The following SUGCT variants were observed in gnomAD, a reference collection of about 807,000 sequenced individuals.
The protein encoded by SUGCT is succinyl-CoA:glutarate CoA-transferase.
SUGCT carries 41 observed loss-of-function variants against 55.0 expected under a neutral mutation model. The ratio of observed to expected loss-of-function variants is 0.74; its 90% CI spans 0.58 to 0.97. SUGCT has a LOEUF of 0.97. Ranked by LOEUF, SUGCT falls within the 50% of genes least tolerant of loss-of-function variation. The pLI, the probability that SUGCT is intolerant of heterozygous loss-of-function variation, is 0.00. For missense variants in SUGCT, 568 were observed against 547.8 expected (o/e 1.04, Z -0.37); for synonymous variants, 187 against 200.4 (o/e 0.93, Z 0.56).
intron 9 of SUGCT, among the ~76,000 whole-genome samples, chr7:40,380,128 T>A (rs950644104): frequency 1.3e-5 from 2 of 152,174 alleles, no homozygotes; most frequent in African/African-American, 4.8e-5. Flanking sequence ...AATTCTGTGC[T>A]AATGGGGATT....
At chr7:40,482,639 A>G (rs955141957) in intron 11 of SUGCT, among the ~76,000 whole-genome samples, 17 of 152,240 alleles carry the variant, frequency 1.1e-4, no homozygotes, top group African/African-American at 3.6e-4. Flanking sequence ...ACTTTCCTAT[A>G]TTATGTTTCC....
At chr7:40,871,774 T>TG in the SUGCT span, among the ~76,000 whole-genome samples, 1 of 150,252 alleles carries the variant, frequency 6.7e-6, no homozygotes, top group Non-Finnish European at 1.5e-5. Context: ...GAAAGGGCAG[T>TG]GTTGTTTGCT....
chr7:40,426,332 C>G (rs1787585197), intron 9 of SUGCT, among the ~76,000 whole-genome samples: 2 of 152,132 alleles, frequency 1.3e-5, no homozygotes, highest in Admixed American at 6.6e-5. Context: ...ATATGCGTGT[C>G]AGCTGGATAT....
chr7:41,027,891 G>A, the SUGCT span, among the ~76,000 whole-genome samples: 2 of 152,176 alleles, frequency 1.3e-5, no homozygotes, highest in Non-Finnish European at 1.5e-5. Context: ...CCAAGCATCC[G>A]AAACAGTACA....
chr7:40,164,673 T>C (rs183399959), intron 1 of SUGCT, among the ~76,000 whole-genome samples: 1 of 152,290 alleles, frequency 6.6e-6, no homozygotes, highest in East Asian at 1.9e-4. Context: ...TAATTAAAAA[T>C]TATCATCTCG....
At chr7:40,190,122 G>A (rs910222322) in intron 5 of SUGCT, among the ~76,000 whole-genome samples, 4 of 152,154 alleles carry the variant, frequency 2.6e-5, no homozygotes, top group African/African-American at 9.7e-5. Flanking sequence ...GTTAAATTAA[G>A]GGTGGATACC....
At chr7:40,995,373 A>T in the SUGCT span, among the ~76,000 whole-genome samples, 4 of 109,574 alleles carry the variant, frequency 3.7e-5, no homozygotes, top group Non-Finnish European at 7.4e-5. Flanking sequence ...TTGGTATCCT[A>T]TAATAGCTGT....
At chr7:41,036,950 C>T in the SUGCT span, among the ~76,000 whole-genome samples, 1 of 152,212 alleles carries the variant, frequency 6.6e-6, no homozygotes, top group Non-Finnish European at 1.5e-5. Flanking sequence ...AATTCACAGA[C>T]TCTAACTCAG....
chr7:40,938,551 A>G, the SUGCT span, among the ~76,000 whole-genome samples: 3 of 152,034 alleles, frequency 2.0e-5, no homozygotes, highest in African/African-American at 4.8e-5. Context: ...TTTTGGTTAC[A>G]TGAATGAATT....
At chr7:40,761,835 AGAAAAC>A (rs1788546090) in intron 13 of SUGCT, among the ~76,000 whole-genome samples, 1 of 152,208 alleles carries the variant, frequency 6.6e-6, no homozygotes, top group Non-Finnish European at 1.5e-5. Flanking sequence ...AAACCAAATA[AGAAAAC>A]TGACCGTCCT....
chr7:40,308,997 A>T (rs1459916884), intron 8 of SUGCT, among the ~76,000 whole-genome samples: 2 of 152,052 alleles, frequency 1.3e-5, no homozygotes, highest in Non-Finnish European at 2.9e-5. Context: ...ACAGAGTTAG[A>T]CTCTGTCTCA....
rs116942826 is a variant in SUGCT at position 40,482,122 on chromosome 7, G to A, written c.987-14162G>A. 2.1e-4 allele frequency among the ~76,000 whole-genome samples: 32 copies of A among 152,282 alleles called. No homozygotes were observed. In the East Asian group the frequency reaches 5.6e-3, roughly 27 times the overall value. ...ATGGATTGTAGTGAAATAAGATCATGTATAGAGCTGTATCTGCAATGATGT... is the reference window on the plus strand; with the variant it reads ...ATGGATTGTAGTGAAATAAGATCATATATAGAGCTGTATCTGCAATGATGT... On this transcript the variant is annotated intron_variant, in intron 11 of 13. Transcript: ENST00000335693.
At chr7:40,686,545 T>C (rs1052361018) in intron 12 of SUGCT, among the ~76,000 whole-genome samples, 8 of 152,172 alleles carry the variant, frequency 5.3e-5, no homozygotes, top group African/African-American at 1.9e-4. Flanking sequence ...GAGCTTTGTA[T>C]GTGTGAGTAG....
intron 12 of SUGCT, among the ~76,000 whole-genome samples, chr7:40,714,240 G>A (rs1056359168): frequency 6.6e-6 from 1 of 152,132 alleles, no homozygotes; most frequent in Non-Finnish European, 1.5e-5. Context: ...TGAGGCAGGA[G>A]AATTGCTTGA....
chr7:40,352,738 C>T (rs1011898254), intron 9 of SUGCT, among the ~76,000 whole-genome samples: 2 of 152,046 alleles, frequency 1.3e-5, no homozygotes, highest in African/African-American at 2.4e-5. Flanking sequence ...GATGAACATA[C>T]GCGTGCGTGT....
rs543948743 is a variant in SUGCT at position 40,575,126 on chromosome 7, G to A, written c.1089+78740G>A. The stretch of plus-strand genomic sequence containing the variant: ...TGGTGGGCAGGAGGGTGGCGGGGGT[G>A]GGGGTGGAGATGGGTGAAGTTTTGG... On this transcript the variant is annotated intron_variant, in intron 12 of 13. Coordinates refer to ENST00000335693, the MANE Select transcript of SUGCT (RefSeq NM_001193313.2). Among the ~76,000 whole-genome samples, 53 of 139,808 alleles carry A rather than the reference G, an allele frequency of 3.8e-4. 1 individual carries two copies. In the South Asian group the frequency reaches 0.011, roughly 29 times the overall value. 91.7% of individuals were successfully genotyped at this position (139,808 alleles called of 152,430 possible).
chr7:40,679,509 C>T (rs564551224), intron 12 of SUGCT, among the ~76,000 whole-genome samples: 1 of 152,244 alleles, frequency 6.6e-6, no homozygotes, highest in Admixed American at 6.5e-5. Context: ...AGAAACAACT[C>T]CCCTCATTTA....
intron 12 of SUGCT, among the ~76,000 whole-genome samples, chr7:40,633,910 T>TA (rs980967141): frequency 6.6e-6 from 1 of 152,216 alleles, no homozygotes; most frequent in African/African-American, 2.4e-5. Flanking sequence ...TTAGAGCAAA[T>TA]ATATCATTTT....
At chr7:40,552,941 T>A (rs1338965405) in intron 12 of SUGCT, among the ~76,000 whole-genome samples, 1 of 152,120 alleles carries the variant, frequency 6.6e-6, no homozygotes, top group Non-Finnish European at 1.5e-5. Flanking sequence ...GCATCTTTCG[T>A]TCCCTATTCA....
Sources: allele counts gnomAD v4.1 joint callset (sites outside exome capture counted in the v4.1 genomes callset), GRCh38; gene constraint gnomAD v4.1.1; transcripts MANE v1.5; gene names NCBI Gene and HGNC (gene_info 2026-07-23, HGNC 2026-07-21).